CYBA: variants seen among roughly 807,000 people sequenced by gnomAD.
The protein encoded by CYBA is cytochrome b-245 light chain.
A neutral mutation model predicts 20.8 loss-of-function variants in CYBA; 21 were observed. That is an observed-to-expected ratio of 1.01 (90% CI 0.72 to 1.46). The LOEUF (loss-of-function observed/expected upper bound fraction) is 1.46, where lower values mean the gene tolerates loss of function less well. CYBA is among the 40% of genes most tolerant of loss of function. The pLI, the probability that CYBA is intolerant of heterozygous loss-of-function variation, is 0.00. For missense variants in CYBA, 344 were observed against 287.0 expected, an observed-to-expected ratio of 1.20 and a Z score of -1.43; for synonymous variants, 164 against 127.5, an observed-to-expected ratio of 1.29 and a Z score of -1.93.
chr16:88,650,028 C>T (rs1236577915), intron 1 of CYBA, among the ~76,000 whole-genome samples: 3 of 152,198 alleles, frequency 2.0e-5, no homozygotes, highest in Admixed American at 1.3e-4. Flanking sequence ...GGGCCCCGTC[C>T]TCCAGCCCTC....
At chr16:88,646,682 G>A in intron 4 of CYBA, 73 bp downstream of exon 4, 1 of 1,388,820 alleles carries the variant, frequency 7.2e-7, no homozygotes, top group East Asian at 2.3e-5. Context: ...AGGCAGCCCG[G>A]CCGGTGGGAC....
At chr16:88,650,493 GC>G (rs1445753957) in intron 1 of CYBA, 1 of 466,918 alleles carries the variant, frequency 2.1e-6, no homozygotes, top group East Asian at 6.7e-5. Context: ...GAAGGGCTGA[GC>G]CCCAGGGCAT....
chr16:88,643,631 T>TCCCC lies in CYBA; in HGVS notation c.370-64_370-61dup, dbSNP rs748144332. On this transcript the variant is annotated intron_variant, in intron 5 of 5. Coordinates refer to ENST00000261623, the MANE Select transcript of CYBA (RefSeq NM_000101.4). The surrounding 1 kb of genome is among the most constrained non-coding windows in gnomAD (Gnocchi z 4.3). ...CGCCCGCCCTCCCTCCCTCCCTCCC[T>TCCCC]CCCCGGAGGCCCACCCCGCTAGGGG... 4.8e-6 allele frequency: 5 copies of TCCCC among 1,035,238 alleles called. No homozygotes were observed. In the African/African-American group the frequency reaches 1.9e-4, roughly 40 times the overall value. The allele number at this position is 1,035,238 out of a possible 1,614,324, so 64.1% of individuals were successfully genotyped here.
At position 88,648,260 on chromosome 16, in the gene CYBA, C is replaced by T. The variant is rs878859963; in HGVS notation, c.59-146G>A. ...GCACAGTGACAGGGTCGGGGACACCCCCAGGAGGCACCCCTCTGCACTGGT... is the reference window on the plus strand; with the variant it reads ...GCACAGTGACAGGGTCGGGGACACCTCCAGGAGGCACCCCTCTGCACTGGT... On this transcript the variant is annotated intron_variant, in intron 1 of 5. Transcript: ENST00000261623. 1.3e-5 allele frequency: 10 copies of T among 743,920 alleles called. No individual in the cohort carries two copies. The South Asian group carries it at 1.4e-4, about 11-fold the overall frequency. The allele number at this position is 743,920 out of a possible 1,614,324, so 46.1% of individuals were successfully genotyped here.
Position 88,651,007 on chromosome 16 carries a change from G to GC in CYBA, c.6dup (p.Gln3AlafsTer210). On this transcript the variant is annotated frameshift_variant, in exon 1 of 6. Coordinates refer to ENST00000261623, the MANE Select transcript of CYBA (RefSeq NM_000101.4). LOFTEE classifies it high-confidence loss of function. ...TTGGCCCACATGGCCCACTCGATCT[G>GC]CCCCATGGCGACACGAACCCGGCTG... 6.3e-7 allele frequency: 1 copy of GC among 1,596,110 alleles called. No individual in the cohort carries two copies. Among genetic ancestry groups the GC allele is most frequent in the Non-Finnish European group, 8.5e-7 (1 of 1,173,250 alleles).
chr16:88,646,894 C>T (rs1907308056), intron 3 of CYBA, 56 bp from the exon 4 acceptor site: 1 of 1,456,980 alleles, frequency 6.9e-7, no homozygotes, highest in Admixed American at 1.7e-5. Context: ...CTCGGGACTC[C>T]TTTGCTGCCC....
intron 1 of CYBA, chr16:88,650,700 G>A (rs1319849735): frequency 1.6e-6 from 1 of 616,394 alleles, no homozygotes; most frequent in Non-Finnish European, 2.9e-6. Flanking sequence ...TCGGGGGACC[G>A]AGAGAAGGGA....
At chr16:88,644,110 C>T (rs952221498) in intron 5 of CYBA, among the ~76,000 whole-genome samples, 4 of 152,212 alleles carry the variant, frequency 2.6e-5, no homozygotes, top group East Asian at 1.9e-4. Context: ...GGCCCATGCC[C>T]GGAGGTTCCA....
intron 1 of CYBA, among the ~76,000 whole-genome samples, chr16:88,649,777 T>G (rs1907436132): frequency 6.6e-6 from 1 of 152,180 alleles, no homozygotes; most frequent in Non-Finnish European, 1.5e-5. Flanking sequence ...GCGTCCAGTC[T>G]GGCTCTAACT....
intron 5 of CYBA, chr16:88,645,821 C>T: frequency 1.8e-6 from 1 of 557,158 alleles, no homozygotes; most frequent in Admixed American, 3.1e-5. Context: ...CACAGCACCT[C>T]CCTGAGCCTC....
At chr16:88,650,307 T>G in intron 1 of CYBA, 1 of 447,882 alleles carries the variant, frequency 2.2e-6, no homozygotes, top group African/African-American at 2.0e-5. Flanking sequence ...CATTTCCAAA[T>G]GGAGTCCGCT....
chr16:88,646,892 T>G, intron 3 of CYBA, 54 bp from the exon 4 acceptor site: 1 of 1,477,942 alleles, frequency 6.8e-7, no homozygotes, highest in Non-Finnish European at 9.4e-7. Flanking sequence ...CACTCGGGAC[T>G]CCTTTGCTGC....
chr16:88,647,560 C>T, intron 2 of CYBA: 1 of 366,918 alleles, frequency 2.7e-6, no homozygotes, highest in Non-Finnish European at 5.3e-6. Context: ...GCAGCCACTG[C>T]CTGAGGTCAC....
chr16:88,645,897 G>A (rs1907258530), intron 5 of CYBA: 1 of 593,210 alleles, frequency 1.7e-6, no homozygotes, highest in Admixed American at 2.9e-5. Flanking sequence ...GGTTAATGAG[G>A]AAATGCAAGG....
chr16:88,646,698 G>C, intron 4 of CYBA, 57 bp downstream of exon 4: 1 of 1,483,648 alleles, frequency 6.7e-7, no homozygotes, highest in Non-Finnish European at 9.4e-7. Flanking sequence ...GGGACAGTGG[G>C]GAGGGTCGGC....
At chr16:88,650,706 A>C in intron 1 of CYBA, 1 of 615,088 alleles carries the variant, frequency 1.6e-6, no homozygotes, top group Non-Finnish European at 2.9e-6. Flanking sequence ...GACCGAGAGA[A>C]GGGAATGGGG....
At chr16:88,644,240 G>T (rs1175281373) in intron 5 of CYBA, among the ~76,000 whole-genome samples, 1 of 152,224 alleles carries the variant, frequency 6.6e-6, no homozygotes, top group Non-Finnish European at 1.5e-5. Flanking sequence ...GGACATGTGT[G>T]ATCCTACCTG....
intron 5 of CYBA, chr16:88,645,387 C>T: frequency 1.4e-6 from 1 of 702,438 alleles, no homozygotes; most frequent in Non-Finnish European, 2.6e-6. Context: ...AGACGCACAG[C>T]AAGGGGAGGG....
At chr16:88,645,729 A>G in intron 5 of CYBA, 2 of 540,664 alleles carry the variant, frequency 3.7e-6, no homozygotes, top group Non-Finnish European at 6.7e-6. Flanking sequence ...ATCAGCGCGA[A>G]TAGGGTTTAG....
Sources: gnomAD v4.1 joint callset for allele counts (sites outside exome capture counted in the v4.1 genomes callset) on GRCh38, gnomAD v4.1.1 for gene constraint, Gnocchi (gnomAD v3.1) non-coding constraint, MANE v1.5 for transcripts, NCBI Gene and HGNC (gene_info 2026-07-23, HGNC 2026-07-21) for gene names.